The following KCNK10 variants were observed in gnomAD, a reference collection of about 807,000 sequenced individuals.
KCNK10 encodes potassium channel subfamily K member 10.
KCNK10 carries 25 observed loss-of-function variants against 47.7 expected under a neutral mutation model. The ratio of observed to expected loss-of-function variants is 0.52; its 90% CI spans 0.38 to 0.73. The LOEUF (loss-of-function observed/expected upper bound fraction) is 0.73. Ranked by LOEUF, KCNK10 falls within the 30% of genes least tolerant of loss-of-function variation. The probability of loss-of-function intolerance (pLI) is 0.00; values close to 1 mark genes in which losing one functional copy is unlikely to be tolerated. For synonymous variants in KCNK10, 303 were observed against 285.6 expected (o/e 1.06, Z -0.61); for missense variants, 563 against 714.5 (o/e 0.79, Z 2.42).
At chr14:88,208,422 G>A (rs1437412353) in intron 4 of KCNK10, among the ~76,000 whole-genome samples, 1 of 152,156 alleles carries the variant, frequency 6.6e-6, no homozygotes, top group African/African-American at 2.4e-5. Flanking sequence ...CCTCCAAAGG[G>A]TAGATAAAAG....
chr14:88,289,767 C>T (rs540738167), intron 1 of KCNK10, among the ~76,000 whole-genome samples: 1 of 152,316 alleles, frequency 6.6e-6, no homozygotes, highest in Non-Finnish European at 1.5e-5. Context: ...GTGTTCTTAT[C>T]CTTAAAATGG....
At chr14:88,210,466 G>A (rs1030379233) in intron 4 of KCNK10, among the ~76,000 whole-genome samples, 5 of 152,252 alleles carry the variant, frequency 3.3e-5, no homozygotes, top group Non-Finnish European at 4.4e-5. Context: ...GTGAAGAACA[G>A]AAAAGTGAAT....
chr14:88,241,495 C>T (rs1886466506), intron 2 of KCNK10, among the ~76,000 whole-genome samples: 1 of 146,620 alleles, frequency 6.8e-6, no homozygotes, highest in East Asian at 1.9e-4. Flanking sequence ...CTCTCCCCCA[C>T]CCCCACACCA....
chr14:88,192,186 G>T (rs201658752), intron 5 of KCNK10, 38 bp downstream of exon 5: 24 of 1,550,292 alleles, frequency 1.5e-5, no homozygotes, highest in East Asian at 2.3e-5. Context: ...TATTTTTCCC[G>T]CCAGAGCCCC....
intron 4 of KCNK10, among the ~76,000 whole-genome samples, chr14:88,195,003 G>T (rs1032291985): frequency 1.4e-5 from 2 of 148,028 alleles, no homozygotes; most frequent in South Asian, 2.2e-4. Context: ...AGATACCCAT[G>T]TTTTTGCTGC....
At chr14:88,285,688 A>G (rs1047959930) in intron 1 of KCNK10, among the ~76,000 whole-genome samples, 6 of 152,208 alleles carry the variant, frequency 3.9e-5, no homozygotes, top group African/African-American at 1.4e-4. Context: ...TCTTTAATAA[A>G]TAAAAGAGAT....
Position 88,258,420 on chromosome 14 carries a change from G to A in KCNK10, c.402+4782C>T, listed in dbSNP as rs527288929. ...ACTCTCCTGCCTCAGCCTCCTGAGT[G>A]GCTGGGATTACAGGCACCTGCCACC... is the stretch of plus-strand genomic sequence containing the variant. On this transcript the variant is annotated intron_variant, in intron 2 of 6. Transcript: ENST00000319231. Among the ~76,000 whole-genome samples, 8 of 151,818 alleles carry A rather than the reference G, an allele frequency of 5.3e-5. No homozygotes were observed. In the South Asian group the frequency reaches 1.7e-3, roughly 32 times the overall value.
chr14:88,194,516 T>A (rs1231002758), intron 4 of KCNK10, among the ~76,000 whole-genome samples: 20 of 152,166 alleles, frequency 1.3e-4, no homozygotes, highest in Admixed American at 1.3e-3. Flanking sequence ...GCTTGTTAAG[T>A]CATAAATTAA....
chr14:88,205,689 C>T (rs1175147552), intron 4 of KCNK10, among the ~76,000 whole-genome samples: 1 of 151,832 alleles, frequency 6.6e-6, no homozygotes, highest in African/African-American at 2.4e-5. Flanking sequence ...GGACTACAGG[C>T]ATGCACCACC....
In KCNK10 at chr14:88,240,715, T is replaced by A; in HGVS notation, c.508A>T (p.Ile170Phe). 4 of 1,609,324 alleles carry A rather than the reference T, an allele frequency of 2.5e-6. No individual in the cohort carries two copies. Among genetic ancestry groups the A allele is most frequent in the Non-Finnish European group, 2.6e-6 (3 of 1,175,668 alleles). Reference sequence around the variant, plus strand: ...AACAAACGGGTACCTATGGTCGTAATGACAGTTCCAGCAAAGAAAAAGGCA... The same window carrying A: ...AACAAACGGGTACCTATGGTCGTAAAGACAGTTCCAGCAAAGAAAAAGGCA... Reference protein sequence around the residue: ...GSAFFFAGTVITTIGYGNIAP... With the variant: ...GSAFFFAGTVFTTIGYGNIAP... The change falls in exon 3 of 7, where the codon ATT becomes TTT. Residue 170 changes from isoleucine (I) to phenylalanine (F), a missense_variant. Transcript: ENST00000319231.
At position 88,182,036 on chromosome 14, in the gene KCNK10, G is replaced by GCGCACACACACACACACA. The variant is rs878911675; in HGVS notation, c.*3498_*3499insTGTGTGTGTGTGTGTGCG. On this transcript the variant is annotated 3_prime_UTR_variant, in exon 7 of 7. Coordinates refer to ENST00000319231, the MANE Select transcript of KCNK10 (RefSeq NM_138317.3). ...AGATGGCCCAACACCACCCCAACCC[G>GCGCACACACACACACACA]CACACACACACACACACACACACAC... The GCGCACACACACACACACA allele has an allele frequency of 7.3e-6, 1 of 137,058 alleles. No homozygotes were observed. The highest frequency in any genetic ancestry group is 7.3e-5 in the Admixed American group (1 of 13,636). 8.5% of individuals were successfully genotyped at this position (137,058 alleles called of 1,614,324 possible).
chr14:88,280,718 A>G (rs561244503), intron 1 of KCNK10, among the ~76,000 whole-genome samples: 10 of 152,064 alleles, frequency 6.6e-5, no homozygotes, highest in African/African-American at 1.4e-4. Context: ...TCCCTCCCCA[A>G]TAGTTCTCTC....
intron 2 of KCNK10, among the ~76,000 whole-genome samples, chr14:88,258,290 C>CTTTTTTTTT (rs1255773967): frequency 1.5e-5 from 2 of 136,260 alleles, no homozygotes; most frequent in Non-Finnish European, 1.6e-5. Context: ...TATGGTGAGT[C>CTTTTTTTTT]TTTTTTTTTT....
intron 1 of KCNK10, among the ~76,000 whole-genome samples, chr14:88,268,350 G>T: frequency 6.6e-6 from 1 of 152,186 alleles, no homozygotes; most frequent in South Asian, 2.1e-4. Flanking sequence ...AGCAGCCAGG[G>T]CCCTGATCAC....
At chr14:88,194,359 A>G (rs906896532) in intron 4 of KCNK10, among the ~76,000 whole-genome samples, 3 of 152,218 alleles carry the variant, frequency 2.0e-5, no homozygotes, top group Non-Finnish European at 2.9e-5. Context: ...TGTTTGCAGA[A>G]ATGTATGAAA....
chr14:88,219,402 G>A (rs1029796694), intron 4 of KCNK10, among the ~76,000 whole-genome samples: 10 of 152,218 alleles, frequency 6.6e-5, no homozygotes, highest in African/African-American at 2.2e-4. Context: ...AGCAAGCAGC[G>A]CTCAGCTGTT....
chr14:88,239,568 T>C (rs951525886), intron 3 of KCNK10, among the ~76,000 whole-genome samples: 3 of 152,158 alleles, frequency 2.0e-5, no homozygotes, highest in African/African-American at 4.8e-5. Context: ...CTTATAAAGT[T>C]AACCCCTAGG....
rs1359728053 is a variant in KCNK10, at chr14:88,234,131, C to CT, written c.520+6571dup. 5.3e-5 allele frequency among the ~76,000 whole-genome samples: 8 copies of CT among 152,332 alleles called. No homozygotes were observed. The East Asian group carries it at 1.3e-3, about 26-fold the overall frequency. On this transcript the variant is annotated intron_variant, in intron 3 of 6. Coordinates refer to ENST00000319231, the MANE Select transcript of KCNK10 (RefSeq NM_138317.3). ...TCTGGTGTTGTTCAGGTTGCTAACA[C>CT]TTTTTGCCCGTATACTAAATGGTGT...
At chr14:88,252,633 G>A (rs1277653777) in intron 2 of KCNK10, among the ~76,000 whole-genome samples, 1 of 152,092 alleles carries the variant, frequency 6.6e-6, no homozygotes, top group Non-Finnish European at 1.5e-5. Flanking sequence ...TCATACCCAG[G>A]ACCACAGCAC....
Sources: gnomAD v4.1 joint callset for allele counts (sites outside exome capture counted in the v4.1 genomes callset) on GRCh38, gnomAD v4.1.1 for gene constraint, MANE v1.5 for transcripts, NCBI Gene and HGNC (gene_info 2026-07-23, HGNC 2026-07-21) for gene names.